Variants in SPRING1 observed in about 807,000 individuals in gnomAD.
The protein encoded by SPRING1 is SREBP regulating gene protein.
Under a neutral mutation model 24.7 loss-of-function variants are expected in SPRING1, and 14 were observed. The observed-to-expected ratio is 0.57, with a 90% CI of 0.37 to 0.88. The LOEUF (loss-of-function observed/expected upper bound fraction) is 0.88. SPRING1 is among the 40% of genes least tolerant of loss of function. SPRING1 has a pLI of 0.00. For missense variants in SPRING1, 255 were observed against 268.4 expected, an observed-to-expected ratio of 0.95 and a Z score of 0.35; for synonymous variants, 93 against 106.1, an observed-to-expected ratio of 0.88 and a Z score of 0.76.
chr12:116,715,237 G>GT lies in SPRING1; in HGVS notation c.*2572_*2573insA, dbSNP rs1046491699. ...GCATAAGCCACCACGCCCCACCAAT[G>GT]AAATGTTTTCTAAAGGTGTTTTCAT... On this transcript the variant is annotated 3_prime_UTR_variant, in exon 5 of 5. Coordinates refer to ENST00000261318, the MANE Select transcript of SPRING1 (RefSeq NM_024738.4). The GT allele has an allele frequency of 7.2e-5, 11 of 152,118 alleles. No individual in the cohort carries two copies. Among genetic ancestry groups the GT allele is most frequent in the African/African-American group, 2.7e-4 (11 of 41,430 alleles). The allele number at this position is 152,118 out of a possible 1,614,324, so 9.4% of individuals were successfully genotyped here.
At chr12:116,724,807 C>T (rs1201714301) in intron 1 of SPRING1, among the ~76,000 whole-genome samples, 1 of 152,190 alleles carries the variant, frequency 6.6e-6, no homozygotes, top group Non-Finnish European at 1.5e-5. Flanking sequence ...AGCAGCTCTA[C>T]AAACTGACTT....
At position 116,715,998 on chromosome 12, in the gene SPRING1, G is replaced by A. The variant is rs1379893184; in HGVS notation, c.*1812C>T. Reference sequence around the variant, plus strand: ...CAAGAGTTAAAATAAGCTCAAAGGAGAGGCTGATTCCAATGTCAACCCAGG... The same window carrying A: ...CAAGAGTTAAAATAAGCTCAAAGGAAAGGCTGATTCCAATGTCAACCCAGG... On this transcript the variant is annotated 3_prime_UTR_variant, in exon 5 of 5. Coordinates refer to ENST00000261318, the MANE Select transcript of SPRING1 (RefSeq NM_024738.4). 6.6e-6 allele frequency: 1 copy of A among 152,160 alleles called. No individual in the cohort carries two copies. Among genetic ancestry groups the A allele is most frequent in the Admixed American group, 6.6e-5 (1 of 15,266 alleles). 9.4% of individuals were successfully genotyped at this position (152,160 alleles called of 1,614,324 possible).
chr12:116,723,347 C>T, intron 1 of SPRING1, 124 bp from the exon 2 acceptor site: 1 of 1,132,670 alleles, frequency 8.8e-7, no homozygotes, highest in Non-Finnish European at 1.2e-6. Context: ...CTACCAGAAT[C>T]TGCCCTCTCC....
Position 116,724,625 on chromosome 12 carries a change from C to T in SPRING1, c.112-1402G>A, listed in dbSNP as rs574561291. 7.9e-5 allele frequency among the ~76,000 whole-genome samples: 12 copies of T among 151,874 alleles called. No individual in the cohort carries two copies. In the East Asian group the frequency reaches 1.9e-3, roughly 25 times the overall value. ...CCAGAAGGTAAAGGTTGCAGTGAGC[C>T]GAGATCACACCACTGCACTCCAGCC... On this transcript the variant is annotated intron_variant, in intron 1 of 4. Transcript: ENST00000261318.
At position 116,713,806 on chromosome 12, in the gene SPRING1, G is replaced by A. The variant is rs1371934405; in HGVS notation, c.*4004C>T. The A allele has an allele frequency of 1.3e-5, 2 of 152,146 alleles. No individual in the cohort carries two copies. The highest frequency in any genetic ancestry group is 2.9e-5 in the Non-Finnish European group (2 of 68,020). 9.4% of individuals were successfully genotyped at this position (152,146 alleles called of 1,614,324 possible). ...TCATTAGAGAATTGTTTTTCAAGAG[G>A]ACAAAGTACTTTCATTTTTGCCTAG... On this transcript the variant is annotated 3_prime_UTR_variant, in exon 5 of 5. Coordinates refer to ENST00000261318, the MANE Select transcript of SPRING1 (RefSeq NM_024738.4).
At chr12:116,725,906 T>C (rs1309756101) in intron 1 of SPRING1, among the ~76,000 whole-genome samples, 2 of 152,084 alleles carry the variant, frequency 1.3e-5, no homozygotes, top group Non-Finnish European at 2.9e-5. Flanking sequence ...AAAGAACTTT[T>C]CTGTAAATAT....
At chr12:116,722,282 C>T (rs1291407473) in intron 2 of SPRING1, among the ~76,000 whole-genome samples, 1 of 152,088 alleles carries the variant, frequency 6.6e-6, no homozygotes, top group African/African-American at 2.4e-5. Flanking sequence ...CTCAAAGAGT[C>T]CAAGAGTCTC....
intron 1 of SPRING1, among the ~76,000 whole-genome samples, chr12:116,724,579 T>C (rs1592918810): frequency 1.3e-5 from 2 of 151,982 alleles, no homozygotes; most frequent in Non-Finnish European, 2.9e-5. Flanking sequence ...TAGCCGGGCG[T>C]GGTGGTAGAA....
Position 116,717,950 on chromosome 12 carries a change from C to T in SPRING1, c.535-57G>A. The T allele has an allele frequency of 1.5e-6, 2 of 1,376,614 alleles. No homozygotes were observed. Among genetic ancestry groups the T allele is most frequent in the South Asian group, 1.4e-5 (1 of 72,156 alleles). 85.3% of individuals were successfully genotyped at this position (1,376,614 alleles called of 1,614,324 possible). ...AGAGCGAGCACAGCTTCACACACCT[C>T]CCTCTCGGAAGAGTGAGAGTGGATC... On this transcript the variant is annotated intron_variant, in intron 4 of 4. Coordinates refer to ENST00000261318, the MANE Select transcript of SPRING1 (RefSeq NM_024738.4). This position sits in a 1 kb window ranked among gnomAD's most constrained non-coding sequence, Gnocchi z 4.2.
In SPRING1 at chr12:116,714,654, G is replaced by C. The variant is rs1009772990; in HGVS notation, c.*3156C>G. ...ACTAAAAGTACAAAAACTTAGCTGG[G>C]TGTGGTGGTGTACGCCTGTGATCCC... On this transcript the variant is annotated 3_prime_UTR_variant, in exon 5 of 5. Coordinates refer to ENST00000261318, the MANE Select transcript of SPRING1 (RefSeq NM_024738.4). 6.6e-6 allele frequency: 1 copy of C among 152,290 alleles called. No individual in the cohort carries two copies. The highest frequency in any genetic ancestry group is 1.5e-5 in the Non-Finnish European group (1 of 68,182). The allele number at this position is 152,290 out of a possible 1,614,324, so 9.4% of individuals were successfully genotyped here. A position where few individuals can be genotyped will look rare whatever the true frequency, so the allele number is the denominator to read the frequency against.
chr12:116,729,776 AG>A (rs1327473748), intron 1 of SPRING1, among the ~76,000 whole-genome samples: 1 of 152,292 alleles, frequency 6.6e-6, no homozygotes, highest in Non-Finnish European at 1.5e-5. Flanking sequence ...GCAAAACTAT[AG>A]AAACAAAGTA....
intron 2 of SPRING1, among the ~76,000 whole-genome samples, chr12:116,721,469 A>G (rs1406814055): frequency 6.6e-6 from 1 of 152,254 alleles, no homozygotes; most frequent in East Asian, 1.9e-4. Context: ...GTTCAAAAGC[A>G]GGAGGCACCA....
intron 2 of SPRING1, among the ~76,000 whole-genome samples, chr12:116,722,758 G>A (rs1870491039): frequency 6.6e-6 from 1 of 152,164 alleles, no homozygotes; most frequent in Non-Finnish European, 1.5e-5. Context: ...GGCAAGATGG[G>A]GAAATAGTGA....
At position 116,737,393 on chromosome 12, in the gene SPRING1, G is replaced by A. The variant is rs1477516185; in HGVS notation, c.111+397C>T. Among the ~76,000 whole-genome samples, 5 of 151,702 alleles carry A rather than the reference G, an allele frequency of 3.3e-5. No homozygotes were observed. In the East Asian group the frequency reaches 9.7e-4, roughly 29 times the overall value. On this transcript the variant is annotated intron_variant, in intron 1 of 4. Transcript: ENST00000261318. ...TCAGGGAAGAAAGGGAGTAAAGGAA[G>A]AAGGAAGGGAGAGGGGGACAGAAAG...
rs578026052 is a variant in SPRING1 at position 116,710,583 on chromosome 12, G to C, written c.*7227C>G. The C allele has an allele frequency of 1.3e-5, 2 of 152,362 alleles. No individual in the cohort carries two copies. The highest frequency in any genetic ancestry group is 3.9e-4 in the East Asian group (2 of 5,192). The allele number at this position is 152,362 out of a possible 1,614,324, so 9.4% of individuals were successfully genotyped here. A position where few individuals can be genotyped will look rare whatever the true frequency, so the allele number is the denominator to read the frequency against. On this transcript the variant is annotated 3_prime_UTR_variant, in exon 5 of 5. Coordinates refer to ENST00000261318, the MANE Select transcript of SPRING1 (RefSeq NM_024738.4). ...GAAAACACAGCAGCTGTTTTCACAGGTGCAGGGCAGCAGTACATGGGAAGT... is the reference window on the plus strand; with the variant it reads ...GAAAACACAGCAGCTGTTTTCACAGCTGCAGGGCAGCAGTACATGGGAAGT...
At chr12:116,723,743 C>G (rs1200995446) in intron 1 of SPRING1, among the ~76,000 whole-genome samples, 1 of 152,130 alleles carries the variant, frequency 6.6e-6, no homozygotes, top group African/African-American at 2.4e-5. Flanking sequence ...TGAATTAGGA[C>G]ATTGATTTTA....
rs982326866 is a variant in SPRING1, at chr12:116,716,278, G to A, written c.*1532C>T. The A allele has an allele frequency of 2.6e-5, 4 of 152,180 alleles. No homozygotes were observed. Among genetic ancestry groups the A allele is most frequent in the African/African-American group, 9.7e-5 (4 of 41,434 alleles). The allele number at this position is 152,180 out of a possible 1,614,324, so 9.4% of individuals were successfully genotyped here. On this transcript the variant is annotated 3_prime_UTR_variant, in exon 5 of 5. Coordinates refer to ENST00000261318, the MANE Select transcript of SPRING1 (RefSeq NM_024738.4). Reference sequence around the variant, plus strand: ...GGGAGATGAGTATAAGAGGTAGTAGGAGGAAGCTAAGGGAAATCACCACTA... The same window carrying A: ...GGGAGATGAGTATAAGAGGTAGTAGAAGGAAGCTAAGGGAAATCACCACTA...
Position 116,728,585 on chromosome 12 carries a change from T to C in SPRING1, c.112-5362A>G, listed in dbSNP as rs1045365707. On this transcript the variant is annotated intron_variant, in intron 1 of 4. Coordinates refer to ENST00000261318, the MANE Select transcript of SPRING1 (RefSeq NM_024738.4). This position sits in a 1 kb window ranked among gnomAD's most constrained non-coding sequence, Gnocchi z 4.2. ...GAATTCAAAGCAGCAGAGAGGATAA[T>C]CAACTATTCTCCAGGCAAAAGCTGC... Among the ~76,000 whole-genome samples, 1 of 152,204 alleles carries C rather than the reference T, an allele frequency of 6.6e-6. No individual in the cohort carries two copies. Among genetic ancestry groups the C allele is most frequent in the African/African-American group, 2.4e-5 (1 of 41,446 alleles).
chr12:116,721,867 C>CT (rs1302285278), intron 2 of SPRING1, among the ~76,000 whole-genome samples: 1 of 152,014 alleles, frequency 6.6e-6, no homozygotes, highest in African/African-American at 2.4e-5. Flanking sequence ...CTCAGGCATC[C>CT]TTTTTTTTCC....
Sources: allele counts gnomAD v4.1 joint callset (sites outside exome capture counted in the v4.1 genomes callset), GRCh38; gene constraint gnomAD v4.1.1; non-coding constraint Gnocchi (gnomAD v3.1); transcripts MANE v1.5; gene names NCBI Gene and HGNC (gene_info 2026-07-23, HGNC 2026-07-21).